RNF20: variants seen among roughly 807,000 people sequenced by gnomAD.
The protein encoded by RNF20 is E3 ubiquitin-protein ligase BRE1A.
In RNF20, 84 loss-of-function variants were observed where a neutral mutation model predicts 126.2. The ratio of observed to expected loss-of-function variants is 0.67; its 90% CI spans 0.56 to 0.80. The LOEUF (loss-of-function observed/expected upper bound fraction) is 0.80. Among genes scored for constraint, RNF20 ranks in the 30% least tolerant of loss-of-function variants. RNF20 has a pLI of 0.00. For synonymous variants in RNF20, 400 were observed against 414.3 expected (o/e 0.97, Z 0.42); for missense variants, 869 against 1,188.2 (o/e 0.73, Z 3.95).
rs536061459 is a variant in RNF20, at chr9:101,562,033, A to T, written c.2751+22A>T. 12 of 1,550,826 alleles carry T rather than the reference A, an allele frequency of 7.7e-6. No individual in the cohort carries two copies. In the East Asian group the frequency reaches 2.7e-4, roughly 35 times the overall value. On this transcript the variant is annotated intron_variant, in intron 19 of 19. Transcript: ENST00000389120. ...CAAGGTTAGAAAAAATGCCTTAGTG[A>T]TTAGTTTTTTGTCAAAGCTTTAAGT...
At position 101,550,733 on chromosome 9, in the gene RNF20, C is replaced by T; in HGVS notation, c.1220C>T (p.Thr407Ile). The change falls in exon 10 of 20, where the codon ACC becomes ATC. Residue 407 changes from threonine to isoleucine, a missense_variant. This residue lies in a region of RNF20 where 153 missense variants were observed against 226.4 expected (regional missense o/e 0.68). Transcript: ENST00000389120. ...AAAGCACACTTGGATGAGGCTCGGA[C>T]CCTGCTTCATGGCACCAGAGGAACC... ...QLKAHLDEAR[T>I]LLHGTRGTHQ... is the part of the protein sequence containing the mutation. 6.2e-7 allele frequency: 1 copy of T among 1,614,152 alleles called. No individual in the cohort carries two copies. Among genetic ancestry groups the T allele is most frequent in the East Asian group, 2.2e-5 (1 of 44,892 alleles).
intron 6 of RNF20, among the ~76,000 whole-genome samples, chr9:101,545,226 T>C (rs1339419030): frequency 6.6e-6 from 1 of 152,216 alleles, no homozygotes; most frequent in Non-Finnish European, 1.5e-5. Flanking sequence ...GATTTGGACA[T>C]TTATTTATTT....
chr9:101,561,425 A>G (rs928258651), intron 18 of RNF20, 195 bp downstream of exon 18: 2 of 550,040 alleles, frequency 3.6e-6, no homozygotes, highest in South Asian at 2.7e-5. Flanking sequence ...TGCACCTAGT[A>G]GGCACAAAAT....
chr9:101,547,499 C>T lies in RNF20; in HGVS notation c.1073C>T (p.Thr358Ile), dbSNP rs762803870. The T allele has an allele frequency of 2.5e-6, 4 of 1,613,940 alleles. No homozygotes were observed. The highest frequency in any genetic ancestry group is 1.3e-5 in the African/African-American group (1 of 74,892). ...CGGCAAGACTTTGAGGAGGTCACTACACAAAATGAAAAGCTGAAGGTAGGA... is the reference window on the plus strand; with the variant it reads ...CGGCAAGACTTTGAGGAGGTCACTATACAAAATGAAAAGCTGAAGGTAGGA... Reference protein sequence around the residue: ...KLRQDFEEVTTQNEKLKVELR... With the variant: ...KLRQDFEEVTIQNEKLKVELR... The change falls in exon 9 of 20, where the codon ACA becomes ATA. Residue 358 changes from threonine (T) to isoleucine (I), a missense_variant. Physicochemically the swap from Thr to Ile is moderately conservative, Grantham distance 89 (BLOSUM62 -1). Coordinates refer to ENST00000389120, the MANE Select transcript of RNF20 (RefSeq NM_019592.7).
rs1338999586 is a variant in RNF20 at position 101,540,377 on chromosome 9, A to G, written c.297+7A>G. 2.5e-6 allele frequency: 4 copies of G among 1,614,038 alleles called. No homozygotes were observed. Among genetic ancestry groups the G allele is most frequent in the South Asian group, 2.2e-5 (2 of 91,084 alleles). ...CAACCGATACTGGAGTCAGGTAGCT[A>G]ACTTGTTTATTTGTTCAGATTTTTA... On this transcript the variant is annotated splice_region_variant and intron_variant, in intron 3 of 19. Transcript: ENST00000389120.
intron 5 of RNF20, among the ~76,000 whole-genome samples, chr9:101,541,217 G>A (rs571903381): frequency 2.0e-5 from 3 of 152,200 alleles, no homozygotes; most frequent in South Asian, 4.1e-4. Flanking sequence ...CTATAGGCAC[G>A]TACTACCACA....
rs560105998 is a variant in RNF20, at chr9:101,540,958, G to A, written c.611G>A (p.Arg204Gln). ...KLQEKVELLS[R>Q]KLNSGDNLIV... ...CAAGAAAAAGTGGAGCTCTTATCCC[G>A]GAAGCTAAACAGTGGAGGTGAGGCA... The change falls in exon 5 of 20, where the codon CGG (arginine) becomes CAG (glutamine). Residue 204 changes from arginine (R) to glutamine (Q), a missense_variant. Coordinates refer to ENST00000389120, the MANE Select transcript of RNF20 (RefSeq NM_019592.7). 54 of 1,613,918 alleles carry A rather than the reference G, an allele frequency of 3.3e-5. No individual in the cohort carries two copies. Among genetic ancestry groups the A allele is most frequent in the Non-Finnish European group, 3.7e-5 (44 of 1,179,932 alleles).
intron 5 of RNF20, among the ~76,000 whole-genome samples, chr9:101,543,121 G>A (rs1827283656): frequency 6.6e-6 from 1 of 152,184 alleles, no homozygotes; most frequent in Non-Finnish European, 1.5e-5. Flanking sequence ...TTCATTATTT[G>A]GAGGTTTGGA....
At chr9:101,539,095 T>C (rs1221887152) in intron 2 of RNF20, among the ~76,000 whole-genome samples, 1 of 152,222 alleles carries the variant, frequency 6.6e-6, no homozygotes, top group Admixed American at 6.5e-5. Flanking sequence ...TGATGGCTTC[T>C]ATTTTCTCAT....
Position 101,560,810 on chromosome 9 carries a change from C to T in RNF20, c.2392C>T (p.Gln798Ter). The T allele has an allele frequency of 6.2e-7, 1 of 1,608,970 alleles. No homozygotes were observed. The part of the protein sequence containing the change: ...VLTLKTQVDA[Q>*]LQVVRKLEEK... Reference sequence around the variant, plus strand: ...GATTTTCTGTTCAAAGGTTGATGCCCAGCTACAGGTAGTAAGGAAACTGGA... The same window carrying T: ...GATTTTCTGTTCAAAGGTTGATGCCTAGCTACAGGTAGTAAGGAAACTGGA... The change falls in exon 17 of 20, where the codon CAG becomes TAG. Residue 798 changes from glutamine to a stop codon, truncating the protein, a stop_gained. Coordinates refer to ENST00000389120, the MANE Select transcript of RNF20 (RefSeq NM_019592.7). LOFTEE classifies it high-confidence loss of function.
Position 101,552,420 on chromosome 9 carries a change from A to T in RNF20, c.1568A>T (p.Gln523Leu). ...LRSGSALLQS[Q>L]SSTEDPKDEP... ...AGTGGTAGTGCCCTCCTGCAGTCCCAGTCTAGTACTGAGGACCCGAAGGAT... is the reference window on the plus strand; with the variant it reads ...AGTGGTAGTGCCCTCCTGCAGTCCCTGTCTAGTACTGAGGACCCGAAGGAT... The change falls in exon 13 of 20, where the codon CAG becomes CTG. Residue 523 changes from glutamine (Q) to leucine (L), a missense_variant. Transcript: ENST00000389120. The T allele has an allele frequency of 6.8e-6, 11 of 1,606,222 alleles. No homozygotes were observed. The highest frequency in any genetic ancestry group is 9.4e-6 in the Non-Finnish European group (11 of 1,174,468).
At chr9:101,557,125 A>G (rs1564112401) in intron 15 of RNF20, among the ~76,000 whole-genome samples, 1 of 152,206 alleles carries the variant, frequency 6.6e-6, no homozygotes, top group Non-Finnish European at 1.5e-5. Context: ...CCGTTTGTCT[A>G]GATTAAGGTA....
chr9:101,551,907 A>G, intron 11 of RNF20, 88 bp downstream of exon 11: 1 of 1,432,444 alleles, frequency 7.0e-7, no homozygotes, highest in Non-Finnish European at 9.5e-7. Flanking sequence ...GTTAATGCTG[A>G]CTTCAACTCA....
chr9:101,552,589 A>G lies in RNF20; in HGVS notation c.1737A>G (p.Glu579=), dbSNP rs1035437795. 1.3e-6 allele frequency: 2 copies of G among 1,589,348 alleles called. No individual in the cohort carries two copies. Among genetic ancestry groups the G allele is most frequent in the Non-Finnish European group, 1.7e-6 (2 of 1,157,578 alleles). ...GAGAAAGGAGGGAGAAGGAGAGGGA[A>G]CGAGAAAGAGAACGGGAGAAGGAGA... ...RERERREKER[E]REREREKEKE... Residue 579 remains glutamate (E), a synonymous_variant, in exon 13 of 20, where the codon GAA becomes GAG. Transcript: ENST00000389120.
At chr9:101,557,326 C>A in intron 15 of RNF20, 58 bp from the exon 16 acceptor site, 2 of 1,270,160 alleles carry the variant, frequency 1.6e-6, no homozygotes, top group Non-Finnish European at 2.3e-6. Flanking sequence ...GTTTCCTGTG[C>A]TCTTCCATTG....
intron 4 of RNF20, 45 bp from the exon 5 acceptor site, chr9:101,540,748 G>C (rs1463625117): frequency 6.3e-7 from 1 of 1,594,618 alleles, no homozygotes; most frequent in East Asian, 2.2e-5. Flanking sequence ...GTTATTTCCA[G>C]TTTATAATTT....
chr9:101,561,985 CT>C lies in RNF20; in HGVS notation c.2726del (p.Leu909ArgfsTer12). ...PDNVPKCDEILMEEIKDYKAR... is the reference protein window; with the variant it reads ...PDNVPKCDEIXMEEIKDYKAR... ...CAATGTACCCAAGTGTGATGAGATT[CT>C]GATGGAAGAGATTAAGGATTACAAG... On this transcript the variant is annotated frameshift_variant, in exon 19 of 20. Transcript: ENST00000389120. LOFTEE classifies it high-confidence loss of function. The C allele has an allele frequency of 6.2e-7, 1 of 1,610,588 alleles. No individual in the cohort carries two copies. Among genetic ancestry groups the C allele is most frequent in the South Asian group, 1.1e-5 (1 of 90,168 alleles).
At chr9:101,551,033 A>G (rs1019342317) in intron 10 of RNF20, among the ~76,000 whole-genome samples, 6 of 152,264 alleles carry the variant, frequency 3.9e-5, no homozygotes, top group East Asian at 1.9e-4. Context: ...CAATGGCAGC[A>G]TAGCCAAAAG....
chr9:101,547,270 G>A, intron 8 of RNF20, 56 bp downstream of exon 8: 12 of 1,601,568 alleles, frequency 7.5e-6, no homozygotes, highest in Non-Finnish European at 1.0e-5. Context: ...TCATGCTTAG[G>A]TACTTAGGAC....
Sources: allele counts gnomAD v4.1 joint callset (sites outside exome capture counted in the v4.1 genomes callset), GRCh38; gene constraint gnomAD v4.1.1; regional missense constraint gnomAD v4.1.1; transcripts MANE v1.5; gene names NCBI Gene and HGNC (gene_info 2026-07-23, HGNC 2026-07-21).